Variants in GRXCR1 observed in about 807,000 individuals in gnomAD.
The protein encoded by GRXCR1 is glutaredoxin and cysteine rich domain containing 1.
A neutral mutation model predicts 27.3 loss-of-function variants in GRXCR1; 27 were observed. The ratio of observed to expected loss-of-function variants is 0.99; its 90% CI spans 0.73 to 1.37. GRXCR1 has a LOEUF of 1.37. GRXCR1 is among the 40% of genes most tolerant of loss of function. The probability of loss-of-function intolerance (pLI) is 0.00; values close to 1 mark genes in which losing one functional copy is unlikely to be tolerated. For synonymous variants in GRXCR1, 122 were observed against 131.1 expected (o/e 0.93, Z 0.47); for missense variants, 379 against 354.4 (o/e 1.07, Z -0.56).
At chr4:43,025,416 A>G (rs1471553737) in intron 3 of GRXCR1, among the ~76,000 whole-genome samples, 2 of 152,240 alleles carry the variant, frequency 1.3e-5, no homozygotes, top group African/African-American at 4.8e-5. Flanking sequence ...ATGAATAAGT[A>G]AAAGGTCTCA....
chr4:42,933,122 T>C (rs1747369794), intron 1 of GRXCR1, among the ~76,000 whole-genome samples: 1 of 151,822 alleles, frequency 6.6e-6, no homozygotes, highest in African/African-American at 2.4e-5. Context: ...CATGGCATGG[T>C]GAGAAATTAC....
intron 1 of GRXCR1, among the ~76,000 whole-genome samples, chr4:42,922,151 A>G (rs937381825): frequency 1.1e-4 from 16 of 152,110 alleles, no homozygotes; most frequent in Admixed American, 2.0e-4. Flanking sequence ...TTTGATAGAT[A>G]TATATTTATA....
chr4:43,011,253 C>T (rs1712740815), intron 2 of GRXCR1, among the ~76,000 whole-genome samples: 1 of 152,170 alleles, frequency 6.6e-6, no homozygotes, highest in Non-Finnish European at 1.5e-5. Context: ...TTCTCCTTTT[C>T]CCTGGCCTAC....
chr4:42,914,092 T>C (rs769520162), intron 1 of GRXCR1, among the ~76,000 whole-genome samples: 7 of 152,122 alleles, frequency 4.6e-5, no homozygotes, highest in Non-Finnish European at 7.4e-5. Flanking sequence ...TAGGGCAGTG[T>C]GGAAGGGAAA....
chr4:42,925,951 A>G (rs1463274407), intron 1 of GRXCR1, among the ~76,000 whole-genome samples: 3 of 152,060 alleles, frequency 2.0e-5, no homozygotes, highest in Non-Finnish European at 4.4e-5. Context: ...ACTCTGGGTC[A>G]TTAATGACTT....
chr4:42,942,191 T>C (rs1320717337), intron 1 of GRXCR1, among the ~76,000 whole-genome samples: 1 of 152,074 alleles, frequency 6.6e-6, no homozygotes. Flanking sequence ...AAATGTGATA[T>C]AATTAATTTT....
chr4:42,979,318 G>T (rs182597283), intron 2 of GRXCR1, among the ~76,000 whole-genome samples: 1 of 152,136 alleles, frequency 6.6e-6, no homozygotes, highest in African/African-American at 2.4e-5. Flanking sequence ...TTAGCTATGA[G>T]TTTGTGATAT....
chr4:43,012,615 G>A (rs563925708), intron 2 of GRXCR1, among the ~76,000 whole-genome samples: 169 of 152,058 alleles, frequency 1.1e-3, no homozygotes, highest in Non-Finnish European at 2.1e-3. Flanking sequence ...GTCATGCAAC[G>A]TTCTAAATTC....
intron 2 of GRXCR1, among the ~76,000 whole-genome samples, chr4:43,018,051 A>C (rs1303791874): frequency 6.6e-6 from 1 of 152,214 alleles, no homozygotes; most frequent in African/African-American, 2.4e-5. Context: ...CTGCTGCTGC[A>C]GTTAGGATGA....
chr4:43,025,236 G>A (rs182490833), intron 3 of GRXCR1, among the ~76,000 whole-genome samples: 1 of 152,062 alleles, frequency 6.6e-6, no homozygotes, highest in Non-Finnish European at 1.5e-5. Context: ...AATACATTTC[G>A]TGTGCTTTAG....
At chr4:43,004,252 C>A (rs368863697) in intron 2 of GRXCR1, among the ~76,000 whole-genome samples, 1 of 152,204 alleles carries the variant, frequency 6.6e-6, no homozygotes, top group African/African-American at 2.4e-5. Flanking sequence ...TTAAGCTTTG[C>A]GAGCTTCTGC....
intron 1 of GRXCR1, among the ~76,000 whole-genome samples, chr4:42,898,276 T>C (rs1170508610): frequency 2.0e-5 from 3 of 152,142 alleles, no homozygotes; most frequent in Non-Finnish European, 2.9e-5. Context: ...GGTTTTTTTT[T>C]CTGCAGAGTT....
chr4:42,928,236 C>G (rs971200379), intron 1 of GRXCR1, among the ~76,000 whole-genome samples: 1 of 151,924 alleles, frequency 6.6e-6, no homozygotes, highest in African/African-American at 2.4e-5. Context: ...AGAAATAGTC[C>G]TGCACACGTT....
intron 2 of GRXCR1, among the ~76,000 whole-genome samples, chr4:43,015,755 T>C (rs1712911538): frequency 1.3e-5 from 2 of 151,280 alleles, no homozygotes; most frequent in Non-Finnish European, 2.9e-5. Flanking sequence ...TGACTAAATA[T>C]AAATTAAAAT....
chr4:42,970,428 C>A lies in GRXCR1; in HGVS notation c.627+7294C>A, dbSNP rs150904341. Among the ~76,000 whole-genome samples, 123 of 152,258 alleles carry A rather than the reference C, an allele frequency of 8.1e-4. 1 individual carries two copies. Among genetic ancestry groups the A allele is most frequent in the African/African-American group, 2.8e-3 (115 of 41,550 alleles). ...GCTGACTTCTACCTGGACATCCAGGCGTTTCCTTATATCCTCTGAAATCTA... is the reference window on the plus strand; with the variant it reads ...GCTGACTTCTACCTGGACATCCAGGAGTTTCCTTATATCCTCTGAAATCTA... On this transcript the variant is annotated intron_variant, in intron 2 of 3. Coordinates refer to ENST00000399770, the MANE Select transcript of GRXCR1 (RefSeq NM_001080476.3).
intron 1 of GRXCR1, among the ~76,000 whole-genome samples, chr4:42,941,572 A>G (rs554883484): frequency 4.6e-5 from 7 of 152,044 alleles, no homozygotes; most frequent in Admixed American, 3.9e-4. Flanking sequence ...CCCTGATTTA[A>G]TCCACCCCTC....
intron 1 of GRXCR1, among the ~76,000 whole-genome samples, chr4:42,926,548 CT>C (rs1747162800): frequency 6.6e-6 from 1 of 151,652 alleles, no homozygotes; most frequent in Non-Finnish European, 1.5e-5. Context: ...ATAATGTGGA[CT>C]TTCCTGTTAC....
chr4:42,905,163 T>C (rs1746557708), intron 1 of GRXCR1, among the ~76,000 whole-genome samples: 1 of 152,176 alleles, frequency 6.6e-6, no homozygotes. Context: ...TACCTAGGCC[T>C]TTGCCTTGGA....
chr4:43,012,821 G>A (rs9999950), intron 2 of GRXCR1, among the ~76,000 whole-genome samples: 1,926 of 151,932 alleles, frequency 0.013, 46 homozygotes, highest in African/African-American at 0.044. Context: ...TAATCACTGC[G>A]TTCTAAAAAT....
Sources: gnomAD v4.1 joint callset for allele counts (sites outside exome capture counted in the v4.1 genomes callset) on GRCh38, gnomAD v4.1.1 for gene constraint, MANE v1.5 for transcripts, NCBI Gene and HGNC (gene_info 2026-07-23, HGNC 2026-07-21) for gene names.